Variants in SECTM1 observed in about 807,000 individuals in gnomAD.
The protein encoded by SECTM1 is secreted and transmembrane protein 1.
SECTM1 carries 10 observed loss-of-function variants against 18.1 expected under a neutral mutation model. That is an observed-to-expected ratio of 0.55 (90% CI 0.34 to 0.94). The LOEUF (loss-of-function observed/expected upper bound fraction) is 0.94, where lower values mean the gene tolerates loss of function less well. Ranked by LOEUF, SECTM1 falls within the 40% of genes least tolerant of loss-of-function variation. The pLI, the probability that SECTM1 is intolerant of heterozygous loss-of-function variation, is 0.02. For synonymous variants in SECTM1, 137 were observed against 139.2 expected (o/e 0.98, Z 0.11); for missense variants, 297 against 322.6 (o/e 0.92, Z 0.61).
chr17:82,332,410 A>G (rs2052199380), intron 1 of SECTM1, among the ~76,000 whole-genome samples: 1 of 152,062 alleles, frequency 6.6e-6, no homozygotes, highest in African/African-American at 2.4e-5. Flanking sequence ...CCCGGCTCCC[A>G]TGGGTGCTGG....
rs181324854 is a variant in SECTM1 at position 82,326,318 on chromosome 17, C to T, written c.94+829G>A. ...GCTCTGACATCTTTTAAAAGCCCCT[C>T]GGGTGGCTCAGTGGCTCACGCCTGT... On this transcript the variant is annotated intron_variant, in intron 2 of 4. Transcript: ENST00000269389. The surrounding 1 kb of genome is among the most constrained non-coding windows in gnomAD (Gnocchi z 4.3). Among the ~76,000 whole-genome samples, 28 of 152,268 alleles carry T rather than the reference C, an allele frequency of 1.8e-4. No individual in the cohort carries two copies. The highest frequency in any genetic ancestry group is 5.5e-4 in the African/African-American group (23 of 41,550).
chr17:82,326,065 T>C lies in SECTM1; in HGVS notation c.94+1082A>G, dbSNP rs1177696225. ...CTGAGTGTTCAGGGACTGCAGGGCC[T>C]CTAAGGCCACTGCACAAATTCACAC... On this transcript the variant is annotated intron_variant, in intron 2 of 4. Coordinates refer to ENST00000269389, the MANE Select transcript of SECTM1 (RefSeq NM_003004.3). The surrounding 1 kb of genome is among the most constrained non-coding windows in gnomAD (Gnocchi z 4.3). Among the ~76,000 whole-genome samples the C allele has an allele frequency of 6.6e-6, 1 of 152,188 alleles. No individual in the cohort carries two copies.
Position 82,326,417 on chromosome 17 carries a change from T to C in SECTM1, c.94+730A>G. Among the ~76,000 whole-genome samples, 1 of 151,688 alleles carries C rather than the reference T, an allele frequency of 6.6e-6. No homozygotes were observed. The highest frequency in any genetic ancestry group is 1.9e-4 in the East Asian group (1 of 5,162). On this transcript the variant is annotated intron_variant, in intron 2 of 4. Coordinates refer to ENST00000269389, the MANE Select transcript of SECTM1 (RefSeq NM_003004.3). This position sits in a 1 kb window ranked among gnomAD's most constrained non-coding sequence, Gnocchi z 4.3. ...GAGTTTGAGACCAGCCTGAGCAACATGGCAAAACCCCATCTCTACAAAAAA... is the reference window on the plus strand; with the variant it reads ...GAGTTTGAGACCAGCCTGAGCAACACGGCAAAACCCCATCTCTACAAAAAA...
intron 1 of SECTM1, among the ~76,000 whole-genome samples, chr17:82,331,176 G>T (rs182212138): frequency 4.2e-4 from 64 of 152,306 alleles, no homozygotes; most frequent in East Asian, 3.5e-3. Flanking sequence ...TGGCGGGAAA[G>T]GTGTGGAATG....
chr17:82,333,071 GCCTCACGGTT>G (rs1026914853), intron 1 of SECTM1, among the ~76,000 whole-genome samples: 10 of 152,226 alleles, frequency 6.6e-5, no homozygotes, highest in African/African-American at 2.4e-4. Context: ...GGTGAGGGAA[GCCTCACGGTT>G]CCTGTTTCAT....
intron 1 of SECTM1, among the ~76,000 whole-genome samples, chr17:82,333,275 G>T (rs1185271168): frequency 6.6e-6 from 1 of 152,232 alleles, no homozygotes; most frequent in East Asian, 1.9e-4. Context: ...GGACCGGGAA[G>T]GGAGGAGGGG....
In SECTM1 at chr17:82,326,916, C is replaced by T. The variant is rs957444747; in HGVS notation, c.94+231G>A. ...AGCGGGCACCACCGCCCTCCACCCA[C>T]GGCGGGACACGGCCCACTCACCACC... On this transcript the variant is annotated intron_variant, in intron 2 of 4. Transcript: ENST00000269389. The surrounding 1 kb of genome is among the most constrained non-coding windows in gnomAD (Gnocchi z 4.3). 6.6e-5 allele frequency among the ~76,000 whole-genome samples: 10 copies of T among 152,220 alleles called. 1 individual carries two copies. Among genetic ancestry groups the T allele is most frequent in the Non-Finnish European group, 1.0e-4 (7 of 68,004 alleles).
chr17:82,327,107 C>A (rs368677221), intron 2 of SECTM1, 40 bp downstream of exon 2: 12 of 1,517,602 alleles, frequency 7.9e-6, no homozygotes, highest in East Asian at 2.3e-5. Context: ...CCCACCGGGC[C>A]CCCCTTTCCC....
intron 1 of SECTM1, among the ~76,000 whole-genome samples, chr17:82,332,527 C>T (rs2052200299): frequency 6.6e-6 from 1 of 152,192 alleles, no homozygotes; most frequent in South Asian, 2.1e-4. Context: ...ACACTGCTTT[C>T]CCAGCTGCTG....
chr17:82,330,798 T>C lies in SECTM1; in HGVS notation c.-53+2902A>G, dbSNP rs1299586520. ...ATTGCTTCCTGAAGACCTGGGGCCC[T>C]GGGCTGCAGTGGTTGGGGAGAGGGG... is the stretch of plus-strand genomic sequence containing the variant. On this transcript the variant is annotated intron_variant, in intron 1 of 4. Coordinates refer to ENST00000269389, the MANE Select transcript of SECTM1 (RefSeq NM_003004.3). The surrounding 1 kb of genome is among the most constrained non-coding windows in gnomAD (Gnocchi z 6.1). Among the ~76,000 whole-genome samples, 1 of 151,994 alleles carries C rather than the reference T, an allele frequency of 6.6e-6. No individual in the cohort carries two copies. The highest frequency in any genetic ancestry group is 2.4e-5 in the African/African-American group (1 of 41,386).
chr17:82,329,738 C>T lies in SECTM1; in HGVS notation c.-52-2446G>A, dbSNP rs1188548175. Reference sequence around the variant, plus strand: ...GAGGCTCCAGGCGGAATCTGTCCCTCTCCGTCTCCAGCGTCCAGAGGCATC... The same window carrying T: ...GAGGCTCCAGGCGGAATCTGTCCCTTTCCGTCTCCAGCGTCCAGAGGCATC... On this transcript the variant is annotated intron_variant, in intron 1 of 4. Transcript: ENST00000269389. The surrounding 1 kb of genome is among the most constrained non-coding windows in gnomAD (Gnocchi z 7.6). Among the ~76,000 whole-genome samples, 1 of 152,130 alleles carries T rather than the reference C, an allele frequency of 6.6e-6. No homozygotes were observed. The highest frequency in any genetic ancestry group is 1.5e-5 in the Non-Finnish European group (1 of 68,010).
chr17:82,323,176 CAGG>C, intron 3 of SECTM1, 165 bp from the exon 4 acceptor site: 1 of 763,224 alleles, frequency 1.3e-6, no homozygotes, highest in East Asian at 2.7e-5. Flanking sequence ...GGGAGGGAGC[CAGG>C]AGGAGAGGGG....
At position 82,325,807 on chromosome 17, in the gene SECTM1, G is replaced by A. The variant is rs1049085286; in HGVS notation, c.95-917C>T. On this transcript the variant is annotated intron_variant, in intron 2 of 4. Transcript: ENST00000269389. This position sits in a 1 kb window ranked among gnomAD's most constrained non-coding sequence, Gnocchi z 7.6. The stretch of plus-strand genomic sequence containing the variant: ...CGTCCACCAGTGACTGGACACGGAC[G>A]GATGGACGGACAGACGGACGGCAGG... Among the ~76,000 whole-genome samples the A allele has an allele frequency of 1.3e-5, 2 of 152,246 alleles. No homozygotes were observed. Among genetic ancestry groups the A allele is most frequent in the African/African-American group, 2.4e-5 (1 of 41,470 alleles).
rs1043492022 is a variant in SECTM1 at position 82,330,001 on chromosome 17, T to G, written c.-52-2709A>C. 1.3e-5 allele frequency among the ~76,000 whole-genome samples: 2 copies of G among 152,156 alleles called. No individual in the cohort carries two copies. Among genetic ancestry groups the G allele is most frequent in the African/African-American group, 4.8e-5 (2 of 41,432 alleles). On this transcript the variant is annotated intron_variant, in intron 1 of 4. Transcript: ENST00000269389. The surrounding 1 kb of genome is among the most constrained non-coding windows in gnomAD (Gnocchi z 6.1). ...ATGAGGACGTGACATCTTTGGGGAC[T>G]GGTAGCCGACCACAGAACCCCCACC...
chr17:82,322,767 C>A (rs541542210), intron 4 of SECTM1, 111 bp downstream of exon 4: 13 of 1,339,580 alleles, frequency 9.7e-6, no homozygotes, highest in Admixed American at 2.3e-5. Context: ...GTGCTCCCCC[C>A]ACCCTCTCCT....
Position 82,322,017 on chromosome 17 carries a change from A to T in SECTM1, c.*144T>A, listed in dbSNP as rs143885617. ...GGGTGGAGGGGAAGGGTCTGCACGC[A>T]CCCAGGAGTGGGTGACACAGAGGCC... On this transcript the variant is annotated 3_prime_UTR_variant, in exon 5 of 5. Coordinates refer to ENST00000269389, the MANE Select transcript of SECTM1 (RefSeq NM_003004.3). 3.2e-3 allele frequency: 2,245 copies of T among 709,446 alleles called. 15 individuals are homozygous for T. The highest frequency in any genetic ancestry group is 4.2e-3 in the Non-Finnish European group (1,767 of 419,878). 43.9% of individuals were successfully genotyped at this position (709,446 alleles called of 1,614,324 possible). A position where few individuals can be genotyped will look rare whatever the true frequency, so the allele number is the denominator to read the frequency against.
At chr17:82,322,844 C>T (rs781550086) in intron 4 of SECTM1, 34 bp downstream of exon 4, 4 of 1,610,826 alleles carry the variant, frequency 2.5e-6, no homozygotes, top group Admixed American at 3.3e-5. Flanking sequence ...CAAGACTCCC[C>T]ACCCCGCACA....
chr17:82,331,729 G>C (rs540359129), intron 1 of SECTM1, among the ~76,000 whole-genome samples: 1 of 152,236 alleles, frequency 6.6e-6, no homozygotes, highest in African/African-American at 2.4e-5. Flanking sequence ...GGCAGGGCGC[G>C]GCCCCAGGGA....
chr17:82,325,802 CG>C lies in SECTM1; in HGVS notation c.95-913del, dbSNP rs2052140651. 6.6e-6 allele frequency among the ~76,000 whole-genome samples: 1 copy of C among 152,190 alleles called. No homozygotes were observed. The highest frequency in any genetic ancestry group is 6.5e-5 in the Admixed American group (1 of 15,282). ...GTCAGCGTCCACCAGTGACTGGACA[CG>C]GACGGATGGACGGACAGACGGACGG... On this transcript the variant is annotated intron_variant, in intron 2 of 4. Coordinates refer to ENST00000269389, the MANE Select transcript of SECTM1 (RefSeq NM_003004.3). The surrounding 1 kb of genome is among the most constrained non-coding windows in gnomAD (Gnocchi z 7.6).
Sources: allele counts gnomAD v4.1 joint callset (sites outside exome capture counted in the v4.1 genomes callset), GRCh38; gene constraint gnomAD v4.1.1; non-coding constraint Gnocchi (gnomAD v3.1); transcripts MANE v1.5; gene names NCBI Gene and HGNC (gene_info 2026-07-23, HGNC 2026-07-21).